ZNF644: variants seen among roughly 807,000 people sequenced by gnomAD.
The protein encoded by ZNF644 is zinc finger protein 644.
ZNF644 carries 20 observed loss-of-function variants against 108.0 expected under a neutral mutation model. That is an observed-to-expected ratio of 0.19 (90% CI 0.13 to 0.27). ZNF644 has a LOEUF of 0.27. ZNF644 is among the 10% of genes least tolerant of loss of function. The pLI, the probability that ZNF644 is intolerant of heterozygous loss-of-function variation, is 1.00. For missense variants in ZNF644, 1,338 were observed against 1,548.9 expected (o/e 0.86, Z 2.29); for synonymous variants, 542 against 539.1 (o/e 1.01, Z -0.08).
At chr1:90,958,947 A>AAAAC (rs3036141) in intron 2 of ZNF644, among the ~76,000 whole-genome samples, 109,298 of 151,454 alleles carry the variant, frequency 0.72, 39,891 homozygotes, top group Non-Finnish European at 0.78. Flanking sequence ...AGCAAAAAAC[A>AAAAC]AAACAAACAA....
chr1:90,993,784 T>G (rs901726866), intron 1 of ZNF644, among the ~76,000 whole-genome samples: 1 of 152,188 alleles, frequency 6.6e-6, no homozygotes, highest in East Asian at 1.9e-4. Context: ...TCAATTATAA[T>G]TTTTTTGTGA....
At chr1:90,929,216 G>C (rs1173741428) in intron 4 of ZNF644, among the ~76,000 whole-genome samples, 4 of 152,142 alleles carry the variant, frequency 2.6e-5, no homozygotes, top group African/African-American at 9.7e-5. Context: ...CCCTCAAAAG[G>C]AGGCTTAGAC....
intron 1 of ZNF644, among the ~76,000 whole-genome samples, chr1:90,987,491 ACT>A (rs1657223889): frequency 6.6e-6 from 1 of 151,970 alleles, no homozygotes. Context: ...AAAAATAAAA[ACT>A]CTGAATGGCC....
intron 2 of ZNF644, among the ~76,000 whole-genome samples, chr1:90,948,490 T>A (rs1312226254): frequency 1.3e-5 from 2 of 152,234 alleles, no homozygotes; most frequent in Non-Finnish European, 2.9e-5. Context: ...TATCCATGGC[T>A]GATTGGTTCT....
At chr1:90,950,310 A>G (rs1402851472) in intron 2 of ZNF644, among the ~76,000 whole-genome samples, 14 of 6,524 alleles carry the variant, frequency 2.1e-3, no homozygotes, top group East Asian at 4.9e-3. Context: ...GGGAGGGGAC[A>G]AAAGAAAAGA....
At chr1:90,926,357 T>C (rs1430185206) in intron 4 of ZNF644, among the ~76,000 whole-genome samples, 2 of 152,142 alleles carry the variant, frequency 1.3e-5, no homozygotes, top group Non-Finnish European at 2.9e-5. Flanking sequence ...TCATAGCTCC[T>C]CCTATAATCT....
intron 4 of ZNF644, among the ~76,000 whole-genome samples, chr1:90,933,015 A>C (rs548392582): frequency 6.6e-6 from 1 of 152,178 alleles, no homozygotes; most frequent in Non-Finnish European, 1.5e-5. Context: ...TTCAGGACCT[A>C]AACATATTCC....
At chr1:90,944,504 T>C (rs1652325917) in intron 2 of ZNF644, among the ~76,000 whole-genome samples, 1 of 151,382 alleles carries the variant, frequency 6.6e-6, no homozygotes, top group South Asian at 2.1e-4. Flanking sequence ...ATGGCTTACT[T>C]ACCCCTAAAT....
intron 1 of ZNF644, among the ~76,000 whole-genome samples, chr1:91,016,862 ACT>A (rs1408401110): frequency 1.3e-5 from 2 of 152,260 alleles, no homozygotes; most frequent in East Asian, 3.9e-4. Flanking sequence ...ACAGGGTCTC[ACT>A]CTGTCACCCA....
intron 4 of ZNF644, among the ~76,000 whole-genome samples, chr1:90,919,716 T>C (rs1326061721): frequency 6.6e-6 from 1 of 152,094 alleles, no homozygotes; most frequent in Non-Finnish European, 1.5e-5. Flanking sequence ...AAGGATCTTA[T>C]TAGTTATCTC....
chr1:90,994,059 T>C (rs567123856), intron 1 of ZNF644, among the ~76,000 whole-genome samples: 2 of 152,286 alleles, frequency 1.3e-5, no homozygotes, highest in South Asian at 4.1e-4. Context: ...CAGTAATTTG[T>C]TCATGGATGG....
intron 2 of ZNF644, among the ~76,000 whole-genome samples, chr1:90,976,146 T>TTA (rs1268619857): frequency 6.6e-6 from 1 of 152,156 alleles, no homozygotes; most frequent in Non-Finnish European, 1.5e-5. Context: ...AATAAGAGCT[T>TTA]TAGTTCATGC....
At position 90,939,547 on chromosome 1, in the gene ZNF644, T is replaced by G. The variant is rs1484089955; in HGVS notation, c.1807A>C (p.Lys603Gln). The G allele has an allele frequency of 1.2e-6, 2 of 1,614,004 alleles. No individual in the cohort carries two copies. Among genetic ancestry groups the G allele is most frequent in the South Asian group, 2.2e-5 (2 of 91,082 alleles). Residue 603 changes from lysine to glutamine, a missense_variant, in exon 3 of 6, where the codon AAG (lysine) becomes CAG (glutamine). Coordinates refer to ENST00000337393, the MANE Select transcript of ZNF644 (RefSeq NM_201269.3). Reference protein sequence around the residue: ...FTTSAKSVLKKHTEYLHSSSC... With the variant: ...FTTSAKSVLKQHTEYLHSSSC... ...GATGAATGCAAGTACTCCGTGTGCT[T>G]TTTTAAAACACTTTTGGCTGAAGTA...
At chr1:90,978,648 T>C (rs1274386344) in intron 2 of ZNF644, among the ~76,000 whole-genome samples, 1 of 152,076 alleles carries the variant, frequency 6.6e-6, no homozygotes, top group Non-Finnish European at 1.5e-5. Context: ...CAGCTGCCTA[T>C]GTTAAATATT....
intron 1 of ZNF644, among the ~76,000 whole-genome samples, chr1:90,987,846 T>G (rs1246899229): frequency 2.0e-5 from 3 of 152,090 alleles, no homozygotes; most frequent in Non-Finnish European, 4.4e-5. Context: ...CCAAGTGGGC[T>G]TTACTCCTGG....
chr1:91,009,272 T>G (rs1051637352), intron 1 of ZNF644, among the ~76,000 whole-genome samples: 23 of 152,156 alleles, frequency 1.5e-4, no homozygotes, highest in African/African-American at 5.6e-4. Context: ...CGTGGTATCT[T>G]AAAACTCTAA....
At chr1:90,992,566 T>C (rs887984375) in intron 1 of ZNF644, among the ~76,000 whole-genome samples, 2 of 152,228 alleles carry the variant, frequency 1.3e-5, no homozygotes, top group African/African-American at 2.4e-5. Context: ...CAGATTGATA[T>C]ACAAAATTTG....
rs894124418 is a variant in ZNF644, at chr1:90,968,693, A to G, written c.44+13617T>C. 5.3e-5 allele frequency among the ~76,000 whole-genome samples: 8 copies of G among 152,190 alleles called. No individual in the cohort carries two copies. In the South Asian group the frequency reaches 1.7e-3, roughly 31 times the overall value. ...AAAGTGGGTTGAATAAATTTTTTAA[A>G]TAACTTTGTATAATAGATGACATGA... On this transcript the variant is annotated intron_variant, in intron 2 of 5. Coordinates refer to ENST00000337393, the MANE Select transcript of ZNF644 (RefSeq NM_201269.3).
At chr1:91,011,739 A>G (rs1006614446) in intron 1 of ZNF644, among the ~76,000 whole-genome samples, 6 of 152,354 alleles carry the variant, frequency 3.9e-5, no homozygotes, top group African/African-American at 1.4e-4. Flanking sequence ...TCTGTTGAAC[A>G]GGTAGATGCC....
Sources: allele counts gnomAD v4.1 joint callset (sites outside exome capture counted in the v4.1 genomes callset), GRCh38; gene constraint gnomAD v4.1.1; transcripts MANE v1.5; gene names NCBI Gene and HGNC (gene_info 2026-07-23, HGNC 2026-07-21).